ACSM2A: variants seen among roughly 807,000 people sequenced by gnomAD.
ACSM2A encodes acyl-coenzyme A synthetase ACSM2A, mitochondrial.
A neutral mutation model predicts 76.6 loss-of-function variants in ACSM2A; 72 were observed. The ratio of observed to expected loss-of-function variants is 0.94; its 90% CI spans 0.78 to 1.14. The LOEUF (loss-of-function observed/expected upper bound fraction) is 1.14, where lower values mean the gene tolerates loss of function less well. Among genes scored for constraint, ACSM2A ranks in the 50% most tolerant of loss-of-function variants. ACSM2A has a pLI of 0.00. For synonymous variants in ACSM2A, 249 were observed against 255.9 expected, an observed-to-expected ratio of 0.97 and a Z score of 0.26; for missense variants, 684 against 708.5, an observed-to-expected ratio of 0.97 and a Z score of 0.39.
chr16:20,460,290 A>G lies in ACSM2A; in HGVS notation c.176A>G (p.Lys59Arg). 6.2e-7 allele frequency: 1 copy of G among 1,613,694 alleles called. No individual in the cohort carries two copies. The highest frequency in any genetic ancestry group is 8.5e-7 in the Non-Finnish European group (1 of 1,179,756). ...TTGGATCACTGGGCTGACATGGAGA[A>G]GGTAATGGGGTGGAAAAGAGGCACA... ...DVLDHWADME[K>R]AGKRLPSPAL... The change falls in exon 2 of 14, where the codon AAG (lysine) becomes AGG (arginine). Residue 59 changes from lysine to arginine, a missense_variant and splice_region_variant. By Grantham distance (26) the Lys-to-Arg change is conservative. Coordinates refer to ENST00000573854, the MANE Select transcript of ACSM2A (RefSeq NM_001308172.2).
chr16:20,478,441 CT>C, intron 9 of ACSM2A, 134 bp from the exon 10 acceptor site: 1 of 998,210 alleles, frequency 1.0e-6, no homozygotes, highest in Non-Finnish European at 1.4e-6. Flanking sequence ...TTGGGTTCCC[CT>C]GGCTTCTGGT....
chr16:20,464,371 A>G (rs2012834432), intron 2 of ACSM2A, among the ~76,000 whole-genome samples: 1 of 152,210 alleles, frequency 6.6e-6, no homozygotes, highest in South Asian at 2.1e-4. Flanking sequence ...GTAACTTACA[A>G]AGAAAAGAGA....
At chr16:20,483,569 C>CAAAAAAAAAAAAAAAAAA (rs60606533) in intron 13 of ACSM2A, among the ~76,000 whole-genome samples, 1 of 32,208 alleles carries the variant, frequency 3.1e-5, no homozygotes, top group African/African-American at 8.6e-5. Flanking sequence ...GACTCTGTCT[C>CAAAAAAAAAAAAAAAAAA]AAAAAAAAAA....
In ACSM2A at chr16:20,475,728, C is replaced by T. The variant is rs752421976; in HGVS notation, c.1053C>T (p.Ala351=). ...CAGAAACTCTGGAGAACTGGAGGGC[C>T]CAGACAGGACTGGACATCCGAGAAT... ...LLPETLENWR[A]QTGLDIRESY... The change falls in exon 8 of 14, where the codon GCC becomes GCT. Residue 351 remains alanine (A), a synonymous_variant. Transcript: ENST00000573854. 8.1e-6 allele frequency: 13 copies of T among 1,613,884 alleles called. No individual in the cohort carries two copies. In the African/African-American group the frequency reaches 1.7e-4, roughly 22 times the overall value.
At chr16:20,466,332 T>A (rs1485178781) in intron 3 of ACSM2A, among the ~76,000 whole-genome samples, 1 of 152,136 alleles carries the variant, frequency 6.6e-6, no homozygotes, top group Non-Finnish European at 1.5e-5. Flanking sequence ...TGAGCTGAGA[T>A]CTGCAGGATG....
chr16:20,468,169 G>A (rs1003970293), intron 3 of ACSM2A, among the ~76,000 whole-genome samples: 2 of 152,136 alleles, frequency 1.3e-5, no homozygotes, highest in African/African-American at 4.8e-5. Context: ...AGGAAGAGAT[G>A]TGTCTATTGT....
At chr16:20,484,683 C>A (rs578170358) in intron 13 of ACSM2A, among the ~76,000 whole-genome samples, 61 of 150,620 alleles carry the variant, frequency 4.0e-4, no homozygotes, top group Middle Eastern at 3.4e-3. Context: ...GAACTCCAGC[C>A]AATCCCATGG....
At chr16:20,473,862 C>T (rs897407751) in intron 6 of ACSM2A, 7 of 334,520 alleles carry the variant, frequency 2.1e-5, no homozygotes, top group South Asian at 4.8e-5. Context: ...CTGTCTAAAG[C>T]CTAGTGCCAG....
In ACSM2A at chr16:20,484,606, G is replaced by A. The variant is rs1324647218; in HGVS notation, c.1629+1429G>A. ...TGGAATCAACCCCTGGGGGAAGGGA[G>A]AGGAAGGGAAAGAAAGGAGCAGAAC... is the stretch of plus-strand genomic sequence containing the variant. On this transcript the variant is annotated intron_variant, in intron 13 of 13. Transcript: ENST00000573854. Among the ~76,000 whole-genome samples, 208 of 142,462 alleles carry A rather than the reference G, an allele frequency of 1.5e-3. 1 individual carries two copies. Among genetic ancestry groups the A allele is most frequent in the Non-Finnish European group, 2.7e-3 (176 of 65,882 alleles). The allele number at this position is 142,462 out of a possible 152,430, so 93.5% of individuals were successfully genotyped here. A position where few individuals can be genotyped will look rare whatever the true frequency, so the allele number is the denominator to read the frequency against.
At chr16:20,466,690 C>T (rs1191970873) in intron 3 of ACSM2A, among the ~76,000 whole-genome samples, 1 of 152,200 alleles carries the variant, frequency 6.6e-6, no homozygotes, top group African/African-American at 2.4e-5. Context: ...TCAGAGATCA[C>T]AGAACTAGTT....
At chr16:20,468,341 ACC>A (rs1223602953) in intron 3 of ACSM2A, among the ~76,000 whole-genome samples, 1 of 152,000 alleles carries the variant, frequency 6.6e-6, no homozygotes, top group Non-Finnish European at 1.5e-5. Context: ...AAAAAATGAA[ACC>A]TGTGTAGTTA....
chr16:20,458,892 TTATATATATATGCATATATA>T (rs1287309777), intron 1 of ACSM2A, among the ~76,000 whole-genome samples: 2 of 111,178 alleles, frequency 1.8e-5, no homozygotes, highest in Non-Finnish European at 3.5e-5. Flanking sequence ...ATAGTATATA[TTATATATATATGCATATATA>T]TATATATATA....
intron 13 of ACSM2A, among the ~76,000 whole-genome samples, chr16:20,483,583 A>C (rs2014227331): frequency 7.0e-6 from 1 of 142,284 alleles, no homozygotes; most frequent in African/African-American, 2.9e-5. Context: ...AAAAAAAAAA[A>C]AAAAAAAAAA....
intron 2 of ACSM2A, among the ~76,000 whole-genome samples, chr16:20,463,060 C>T (rs913482946): frequency 1.6e-5 from 2 of 123,544 alleles, no homozygotes; most frequent in East Asian, 2.3e-4. Context: ...GGAAGGGGAA[C>T]ATCACACACT....
intron 2 of ACSM2A, among the ~76,000 whole-genome samples, chr16:20,461,775 T>C: frequency 6.6e-6 from 1 of 152,212 alleles, no homozygotes; most frequent in Non-Finnish European, 1.5e-5. Context: ...CCTGTCTTGT[T>C]AGTCAAATAC....
intron 13 of ACSM2A, among the ~76,000 whole-genome samples, chr16:20,486,294 A>G (rs1320726648): frequency 6.6e-6 from 1 of 152,202 alleles, no homozygotes; most frequent in South Asian, 2.1e-4. Context: ...GTCCAGAGAG[A>G]CTGATGTCAA....
intron 4 of ACSM2A, among the ~76,000 whole-genome samples, chr16:20,470,434 C>T (rs1668131797): frequency 1.3e-5 from 2 of 152,200 alleles, no homozygotes; most frequent in African/African-American, 4.8e-5. Flanking sequence ...ATGATTTTCT[C>T]TGTCAACATG....
Position 20,487,502 on chromosome 16 carries a change from T to C in ACSM2A, c.*824T>C, listed in dbSNP as rs1258780795. ...GCCATGTGCCAGGCACTAACCCAGA[T>C]GCATTATAAATACCACGTTGTTTCA... On this transcript the variant is annotated 3_prime_UTR_variant, in exon 14 of 14. Transcript: ENST00000573854. 6.6e-6 allele frequency: 1 copy of C among 152,324 alleles called. No homozygotes were observed. The highest frequency in any genetic ancestry group is 2.4e-5 in the African/African-American group (1 of 41,570). The allele number at this position is 152,324 out of a possible 1,614,324, so 9.4% of individuals were successfully genotyped here. A position where few individuals can be genotyped will look rare whatever the true frequency, so the allele number is the denominator to read the frequency against.
rs368984296 is a variant in ACSM2A at position 20,486,562 on chromosome 16, G to A, written c.1630-12G>A. ...CAGATCACCCACCCTGGACTGATTT[G>A]TTTTTCAACAGATAGAGTTTGTCTT... On this transcript the variant is annotated splice_polypyrimidine_tract_variant and intron_variant, in intron 13 of 13. Coordinates refer to ENST00000573854, the MANE Select transcript of ACSM2A (RefSeq NM_001308172.2). 2.0e-5 allele frequency: 32 copies of A among 1,613,840 alleles called. No individual in the cohort carries two copies. Among genetic ancestry groups the A allele is most frequent in the Non-Finnish European group, 2.7e-5 (32 of 1,179,866 alleles).
Sources: gnomAD v4.1 joint callset for allele counts (sites outside exome capture counted in the v4.1 genomes callset) on GRCh38, gnomAD v4.1.1 for gene constraint, MANE v1.5 for transcripts, NCBI Gene and HGNC (gene_info 2026-07-23, HGNC 2026-07-21) for gene names.